The following CNTN5 variants were observed in gnomAD, a reference collection of about 807,000 sequenced individuals.
CNTN5 encodes the protein contactin-5.
Under a neutral mutation model 129.1 loss-of-function variants are expected in CNTN5, and 77 were observed. The observed-to-expected ratio is 0.60, with a 90% CI of 0.50 to 0.72. CNTN5 has a LOEUF of 0.72. Among genes scored for constraint, CNTN5 ranks in the 30% least tolerant of loss-of-function variants. The pLI is 0.00. For synonymous variants in CNTN5, 509 were observed against 465.6 expected (o/e 1.09, Z -1.20); for missense variants, 1,478 against 1,328.8 (o/e 1.11, Z -1.75).
chr11:99,587,215 G>A (rs143873438), intron 3 of CNTN5, among the ~76,000 whole-genome samples: 8 of 152,212 alleles, frequency 5.3e-5, no homozygotes, highest in South Asian at 2.1e-4. Flanking sequence ...AGAGAGAAGC[G>A]GCTATAGAAG....
At position 99,288,503 on chromosome 11, in the gene CNTN5, G is replaced by A. The variant is rs111752503; in HGVS notation, c.-209-36843G>A. On this transcript the variant is annotated intron_variant, in intron 1 of 24. Coordinates refer to ENST00000524871, the MANE Select transcript of CNTN5 (RefSeq NM_014361.4). ...ATATCATCTTGAGCTGTCCAATGATGTAATTGATCTTAGTGTTATTGTGTG... is the reference window on the plus strand; with the variant it reads ...ATATCATCTTGAGCTGTCCAATGATATAATTGATCTTAGTGTTATTGTGTG... Among the ~76,000 whole-genome samples the A allele has an allele frequency of 5.9e-3, 893 of 151,954 alleles. 2 individuals are homozygous for A. Among genetic ancestry groups the A allele is most frequent in the Non-Finnish European group, 9.0e-3 (610 of 67,810 alleles).
intron 3 of CNTN5, among the ~76,000 whole-genome samples, chr11:99,690,195 C>T (rs914548551): frequency 6.6e-6 from 1 of 152,110 alleles, no homozygotes; most frequent in Non-Finnish European, 1.5e-5. Context: ...AATCCTTTCC[C>T]CATTGCTTGT....
intron 3 of CNTN5, among the ~76,000 whole-genome samples, chr11:99,791,758 T>G (rs1945751168): frequency 1.3e-5 from 2 of 152,170 alleles, no homozygotes; most frequent in Admixed American, 1.3e-4. Context: ...GGAATATTTT[T>G]CTATTTGTCT....
intron 1 of CNTN5, among the ~76,000 whole-genome samples, chr11:99,074,712 G>A (rs1180816087): frequency 6.6e-6 from 1 of 151,994 alleles, no homozygotes; most frequent in Non-Finnish European, 1.5e-5. Flanking sequence ...TAAAGAGGCT[G>A]GTGTATATTT....
At chr11:99,744,866 G>A (rs1336276212) in intron 3 of CNTN5, among the ~76,000 whole-genome samples, 1 of 151,470 alleles carries the variant, frequency 6.6e-6, no homozygotes, top group African/African-American at 2.4e-5. Context: ...AAGAATAGTT[G>A]GCTTATCTGC....
chr11:99,989,924 C>T (rs1391550367), intron 8 of CNTN5, among the ~76,000 whole-genome samples: 2 of 152,234 alleles, frequency 1.3e-5, no homozygotes, highest in East Asian at 3.9e-4. Context: ...TGCCACCATG[C>T]ACAGCTACTT....
At chr11:99,828,149 T>C (rs895355359) in intron 4 of CNTN5, among the ~76,000 whole-genome samples, 5 of 152,236 alleles carry the variant, frequency 3.3e-5, no homozygotes, top group Non-Finnish European at 7.3e-5. Context: ...CAGAGATATG[T>C]ACAATGATTT....
intron 13 of CNTN5, among the ~76,000 whole-genome samples, chr11:100,096,620 T>C (rs1212207576): frequency 1.3e-5 from 2 of 152,056 alleles, no homozygotes. Context: ...AAATTATGAC[T>C]ACCTCATCAT....
At chr11:99,372,780 TTATC>T (rs1939903139) in intron 2 of CNTN5, among the ~76,000 whole-genome samples, 1 of 152,226 alleles carries the variant, frequency 6.6e-6, no homozygotes, top group Admixed American at 6.5e-5. Context: ...ATCAAACAGT[TTATC>T]TAATGTTATA....
At chr11:100,016,663 G>T (rs1248306773) in intron 9 of CNTN5, among the ~76,000 whole-genome samples, 2 of 151,892 alleles carry the variant, frequency 1.3e-5, no homozygotes, top group African/African-American at 4.8e-5. Context: ...GGTGGCATTT[G>T]CTACAATTAG....
intron 2 of CNTN5, among the ~76,000 whole-genome samples, chr11:99,387,961 A>C (rs1941014455): frequency 7.1e-6 from 1 of 141,396 alleles, no homozygotes. Context: ...CATGTATCAA[A>C]ATTTTTTTAA....
At chr11:99,661,193 T>TGATA (rs1952580301) in intron 3 of CNTN5, among the ~76,000 whole-genome samples, 1 of 152,128 alleles carries the variant, frequency 6.6e-6, no homozygotes, top group African/African-American at 2.4e-5. Flanking sequence ...ATGGTTGGGA[T>TGATA]GATACTTAAA....
intron 1 of CNTN5, among the ~76,000 whole-genome samples, chr11:99,082,225 C>T (rs553397706): frequency 9.1e-5 from 13 of 143,546 alleles, no homozygotes; most frequent in African/African-American, 3.1e-4. Context: ...CTTGCCCTGT[C>T]GTCAGGCTGC....
chr11:100,231,915 A>G (rs1949498720), intron 16 of CNTN5, among the ~76,000 whole-genome samples: 1 of 152,128 alleles, frequency 6.6e-6, no homozygotes, highest in Non-Finnish European at 1.5e-5. Flanking sequence ...AGCATTTTGG[A>G]AGGCAAGGTG....
At chr11:99,258,455 C>T (rs894943381) in intron 1 of CNTN5, among the ~76,000 whole-genome samples, 2 of 151,950 alleles carry the variant, frequency 1.3e-5, no homozygotes, top group Non-Finnish European at 2.9e-5. Context: ...TATTATTGGA[C>T]CTAGTCTTAC....
At chr11:99,618,420 C>A (rs934659530) in intron 3 of CNTN5, among the ~76,000 whole-genome samples, 1 of 152,114 alleles carries the variant, frequency 6.6e-6, no homozygotes, top group Non-Finnish European at 1.5e-5. Flanking sequence ...TATATTGATT[C>A]ATCACTTGAT....
chr11:99,158,908 A>G (rs1442179176), intron 1 of CNTN5, among the ~76,000 whole-genome samples: 1 of 152,202 alleles, frequency 6.6e-6, no homozygotes, highest in Non-Finnish European at 1.5e-5. Context: ...AACATATTGA[A>G]TATTAAAACA....
chr11:100,302,387 T>C (rs1951243450), intron 20 of CNTN5, among the ~76,000 whole-genome samples: 1 of 151,620 alleles, frequency 6.6e-6, no homozygotes, highest in African/African-American at 2.4e-5. Flanking sequence ...CTGAGCGAAA[T>C]TGTATTTCTC....
At chr11:99,183,313 A>G (rs1057055079) in intron 1 of CNTN5, among the ~76,000 whole-genome samples, 9 of 152,200 alleles carry the variant, frequency 5.9e-5, no homozygotes, top group African/African-American at 2.2e-4. Flanking sequence ...CAGAATTTCA[A>G]GGACTCCAAA....
Sources: gnomAD v4.1 joint callset for allele counts (sites outside exome capture counted in the v4.1 genomes callset) on GRCh38, gnomAD v4.1.1 for gene constraint, MANE v1.5 for transcripts, NCBI Gene and HGNC (gene_info 2026-07-23, HGNC 2026-07-21) for gene names.